Variants in GUCY1B1 observed in about 807,000 individuals in gnomAD.
The protein encoded by GUCY1B1 is guanylate cyclase soluble subunit beta-1.
In GUCY1B1, 43 loss-of-function variants were observed where a neutral mutation model predicts 71.0. The observed-to-expected ratio is 0.61, with a 90% confidence interval of 0.47 to 0.78. The LOEUF (loss-of-function observed/expected upper bound fraction) is 0.78. GUCY1B1 is among the 30% of genes least tolerant of loss of function. GUCY1B1 has a pLI of 0.00. For missense variants in GUCY1B1, 535 were observed against 754.1 expected (o/e 0.71, Z 3.40); for synonymous variants, 266 against 259.7 (o/e 1.02, Z -0.23).
intron 9 of GUCY1B1, 89 bp downstream of exon 9, chr4:155,800,163 A>T: frequency 1.3e-6 from 1 of 794,640 alleles, no homozygotes; most frequent in Admixed American, 3.0e-5. Flanking sequence ...CTAAAAAGCC[A>T]TGTGACCTGT....
Position 155,774,886 on chromosome 4 carries a change from G to A in GUCY1B1, c.78-82G>A, listed in dbSNP as rs962728447. On this transcript the variant is annotated intron_variant, in intron 2 of 13. Transcript: ENST00000264424. ...ATTCTATTTCAGAGATAAAGCCATT[G>A]TTTATACAATTATTATACTTATAGT... is the stretch of plus-strand genomic sequence containing the variant. 4.9e-6 allele frequency: 4 copies of A among 815,110 alleles called. No individual in the cohort carries two copies. In the South Asian group the frequency reaches 5.9e-5, roughly 12 times the overall value. The allele number at this position is 815,110 out of a possible 1,614,324, so 50.5% of individuals were successfully genotyped here. A position where few individuals can be genotyped will look rare whatever the true frequency, so the allele number is the denominator to read the frequency against.
At chr4:155,779,296 A>G (rs995759999) in intron 4 of GUCY1B1, among the ~76,000 whole-genome samples, 1 of 152,212 alleles carries the variant, frequency 6.6e-6, no homozygotes, top group African/African-American at 2.4e-5. Flanking sequence ...CTCTACATAC[A>G]TACATACATG....
At chr4:155,797,868 G>A (rs1047337461) in intron 8 of GUCY1B1, among the ~76,000 whole-genome samples, 8 of 151,524 alleles carry the variant, frequency 5.3e-5, no homozygotes, top group Non-Finnish European at 5.9e-5. Context: ...TCTTTTCCCT[G>A]AGAAATAAAT....
At chr4:155,778,932 A>G (rs1326428381) in intron 4 of GUCY1B1, among the ~76,000 whole-genome samples, 1 of 151,942 alleles carries the variant, frequency 6.6e-6, no homozygotes, top group Non-Finnish European at 1.5e-5. Context: ...GCCCATGTTT[A>G]CATAACAAAA....
chr4:155,806,424 G>T lies in GUCY1B1; in HGVS notation c.*15G>T. 1.3e-6 allele frequency: 2 copies of T among 1,592,564 alleles called. No homozygotes were observed. Among genetic ancestry groups the T allele is most frequent in the Non-Finnish European group, 1.7e-6 (2 of 1,161,358 alleles). ...ATGATGACTGAATCTTGGATTATGG[G>T]GTGAAGAGGAGTACAGACTAGGTTC... is the stretch of plus-strand genomic sequence containing the variant. On this transcript the variant is annotated 3_prime_UTR_variant, in exon 14 of 14. Transcript: ENST00000264424.
At chr4:155,784,620 A>G (rs1579223170) in intron 4 of GUCY1B1, among the ~76,000 whole-genome samples, 2 of 152,258 alleles carry the variant, frequency 1.3e-5, no homozygotes, top group East Asian at 3.9e-4. Flanking sequence ...CTGGTTTTAA[A>G]GATTTCTTGC....
rs138174207 is a variant in GUCY1B1, at chr4:155,806,407, T to C, written c.1858T>C (p.Ter620ArgextTer12). 2.1e-5 allele frequency: 34 copies of C among 1,604,538 alleles called. No homozygotes were observed. In the Admixed American group the frequency reaches 5.7e-4, roughly 27 times the overall value. ...TAAGGAAACAAAGCAGGATGATGAC[T>C]GAATCTTGGATTATGGGGTGAAGAG... ...GTEETKQDDD[*>R] Residue 620 changes from the stop codon to arginine, a stop_lost, in exon 14 of 14, where the codon TGA (stop) becomes CGA (arginine). Transcript: ENST00000264424.
chr4:155,773,252 GT>G (rs1479324164), intron 2 of GUCY1B1, among the ~76,000 whole-genome samples: 1 of 152,126 alleles, frequency 6.6e-6, no homozygotes, highest in African/African-American at 2.4e-5. Flanking sequence ...GGCCATGTGG[GT>G]TTTTTTATTT....
chr4:155,783,234 G>A (rs1738557091), intron 4 of GUCY1B1, among the ~76,000 whole-genome samples: 1 of 152,140 alleles, frequency 6.6e-6, no homozygotes, highest in African/African-American at 2.4e-5. Flanking sequence ...CCTGGGAATA[G>A]GAGCCATGTC....
intron 3 of GUCY1B1, among the ~76,000 whole-genome samples, chr4:155,776,795 T>G (rs557370251): frequency 1.2e-3 from 181 of 152,280 alleles, no homozygotes; most frequent in African/African-American, 4.1e-3. Context: ...ATATACATAT[T>G]TATATAAAGA....
intron 2 of GUCY1B1, 52 bp from the exon 3 acceptor site, chr4:155,774,916 A>G: frequency 1.0e-6 from 1 of 956,588 alleles, no homozygotes; most frequent in Non-Finnish European, 1.7e-6. Context: ...TATAGTAGCT[A>G]TTTTTTTAAC....
intron 4 of GUCY1B1, among the ~76,000 whole-genome samples, chr4:155,785,635 T>C (rs1278023396): frequency 6.6e-6 from 1 of 152,150 alleles, no homozygotes; most frequent in East Asian, 1.9e-4. Context: ...GGATGACACA[T>C]TTATTAGCAA....
intron 5 of GUCY1B1, among the ~76,000 whole-genome samples, chr4:155,792,022 A>G (rs2111121829): frequency 6.6e-6 from 1 of 152,298 alleles, no homozygotes; most frequent in Admixed American, 6.5e-5. Flanking sequence ...GGTTCACTTT[A>G]TAAAATATTT....
At chr4:155,803,404 C>T (rs140330514) in intron 10 of GUCY1B1, among the ~76,000 whole-genome samples, 1 of 152,048 alleles carries the variant, frequency 6.6e-6, no homozygotes, top group Admixed American at 6.6e-5. Flanking sequence ...TGTACCTGCC[C>T]GTCATCAAAG....
intron 1 of GUCY1B1, 181 bp from the exon 2 acceptor site, chr4:155,759,606 T>C (rs555963356): frequency 1.9e-4 from 102 of 543,634 alleles, no homozygotes; most frequent in African/African-American, 1.8e-3. Flanking sequence ...CCACCAGGGA[T>C]TGGGGGGTTG....
At chr4:155,791,680 G>T (rs1373111155) in intron 5 of GUCY1B1, among the ~76,000 whole-genome samples, 4 of 146,060 alleles carry the variant, frequency 2.7e-5, no homozygotes, top group African/African-American at 1.0e-4. Flanking sequence ...GCAGTGAGCC[G>T]AAATTTCGCC....
At chr4:155,774,458 CTACTCTGCTT>C (rs1167700798) in intron 2 of GUCY1B1, among the ~76,000 whole-genome samples, 1 of 152,160 alleles carries the variant, frequency 6.6e-6, no homozygotes, top group Non-Finnish European at 1.5e-5. Context: ...CTCCACTGCT[CTACTCTGCTT>C]TATTTTTCTC....
In GUCY1B1 at chr4:155,796,528, A is replaced by G. The variant is rs1426879875; in HGVS notation, c.977+18A>G. ...TCACCAAGGTAATCATTTTTAGATT[A>G]ATTATAGTGGCTATCAGTACCTATC... On this transcript the variant is annotated intron_variant, in intron 8 of 13. Coordinates refer to ENST00000264424, the MANE Select transcript of GUCY1B1 (RefSeq NM_000857.5). 1.3e-6 allele frequency: 2 copies of G among 1,565,956 alleles called. No homozygotes were observed. Among genetic ancestry groups the G allele is most frequent in the Admixed American group, 1.7e-5 (1 of 58,532 alleles).
rs539582526 is a variant in GUCY1B1 at position 155,791,532 on chromosome 4, C to A, written c.495+1621C>A. Among the ~76,000 whole-genome samples the A allele has an allele frequency of 6.2e-3, 924 of 150,010 alleles. 9 individuals carry two copies. The highest frequency in any genetic ancestry group is 0.021 in the Middle Eastern group (6 of 292). On this transcript the variant is annotated intron_variant, in intron 5 of 13. Coordinates refer to ENST00000264424, the MANE Select transcript of GUCY1B1 (RefSeq NM_000857.5). Reference sequence around the variant, plus strand: ...GATCACGAGGTCAGGAGATTGAGACCATCCTGGCTAACACGGTGAAACCCC... The same window carrying A: ...GATCACGAGGTCAGGAGATTGAGACAATCCTGGCTAACACGGTGAAACCCC...
Sources: allele counts gnomAD v4.1 joint callset (sites outside exome capture counted in the v4.1 genomes callset), GRCh38; gene constraint gnomAD v4.1.1; transcripts MANE v1.5; gene names NCBI Gene and HGNC (gene_info 2026-07-23, HGNC 2026-07-21).